COG7: variants seen among roughly 807,000 people sequenced by gnomAD.
The protein encoded by COG7 is component of oligomeric golgi complex 7, also known as conserved oligomeric Golgi complex subunit 7.
COG7 carries 49 observed loss-of-function variants against 91.5 expected under a neutral mutation model. The ratio of observed to expected loss-of-function variants is 0.54; its 90% CI spans 0.43 to 0.68. The LOEUF (loss-of-function observed/expected upper bound fraction) is 0.68. Among genes scored for constraint, COG7 ranks in the 30% least tolerant of loss-of-function variants. The probability of loss-of-function intolerance (pLI) is 0.00; values close to 1 mark genes in which losing one functional copy is unlikely to be tolerated. For synonymous variants in COG7, 365 were observed against 388.7 expected (o/e 0.94, Z 0.72); for missense variants, 895 against 961.3 (o/e 0.93, Z 0.91).
chr16:23,390,118 G>C (rs982428814), intron 16 of COG7: 1 of 151,518 alleles, frequency 6.6e-6, no homozygotes, highest in Non-Finnish European at 1.5e-5. Flanking sequence ...GCCTTGCAAA[G>C]CCTTCTCCAG....
At chr16:23,452,432 G>A (rs1964278888) in intron 1 of COG7, among the ~76,000 whole-genome samples, 1 of 152,200 alleles carries the variant, frequency 6.6e-6, no homozygotes, top group Non-Finnish European at 1.5e-5. Context: ...AATTTGTGGG[G>A]CGCGGTGGCT....
intron 13 of COG7, among the ~76,000 whole-genome samples, chr16:23,400,989 G>GGA (rs1455236618): frequency 3.1e-4 from 46 of 146,836 alleles, no homozygotes; most frequent in African/African-American, 1.1e-3. Context: ...AGGGGGGGGG[G>GGA]AAAACAGCAG....
At chr16:23,407,266 CTTGAG>C (rs1963477484) in intron 11 of COG7, among the ~76,000 whole-genome samples, 1 of 152,206 alleles carries the variant, frequency 6.6e-6, no homozygotes, top group Non-Finnish European at 1.5e-5. Context: ...CTTCCTGTTG[CTTGAG>C]CCAACCAGTA....
intron 16 of COG7, 42 bp downstream of exon 16, chr16:23,392,338 G>A (rs1963211947): frequency 5.0e-6 from 8 of 1,613,438 alleles, no homozygotes; most frequent in Non-Finnish European, 6.8e-6. Flanking sequence ...GATGCAGCAG[G>A]CAAGAGCTGT....
At position 23,443,085 on chromosome 16, in the gene COG7, AAT is replaced by A. The variant is rs1404284153; in HGVS notation, c.436-442_436-441del. Among the ~76,000 whole-genome samples the A allele has an allele frequency of 3.9e-5, 6 of 152,262 alleles. No individual in the cohort carries two copies. The East Asian group carries it at 7.7e-4, about 20-fold the overall frequency. On this transcript the variant is annotated intron_variant, in intron 3 of 16. Coordinates refer to ENST00000307149, the MANE Select transcript of COG7 (RefSeq NM_153603.4). Reference sequence around the variant, plus strand: ...AAATAAATGCAAATTAAATTAAAACAATAAAGTGTCATTTTCCTCCTAACAAA... The same window carrying A: ...AAATAAATGCAAATTAAATTAAAACAAAAGTGTCATTTTCCTCCTAACAAA...
chr16:23,442,086 C>A (rs1964110020), intron 4 of COG7, among the ~76,000 whole-genome samples: 1 of 152,144 alleles, frequency 6.6e-6, no homozygotes, highest in Non-Finnish European at 1.5e-5. Flanking sequence ...TTAATCCCAG[C>A]ACTTTGGGAG....
intron 10 of COG7, among the ~76,000 whole-genome samples, chr16:23,411,731 C>T (rs1296157938): frequency 6.6e-6 from 1 of 152,190 alleles, no homozygotes; most frequent in Non-Finnish European, 1.5e-5. Context: ...TCTGCTCTGG[C>T]ATGGGCCACC....
chr16:23,448,661 T>C (rs995810572), intron 1 of COG7, among the ~76,000 whole-genome samples: 5 of 152,256 alleles, frequency 3.3e-5, no homozygotes, highest in East Asian at 1.9e-4. Context: ...TACGCCTTCT[T>C]ATAGCCACAC....
chr16:23,412,865 T>G (rs1963587768), intron 10 of COG7: 1 of 154,474 alleles, frequency 6.5e-6, no homozygotes. Flanking sequence ...TTTGTATTTT[T>G]AGTAGAGACG....
intron 10 of COG7, among the ~76,000 whole-genome samples, chr16:23,412,027 C>T (rs1015531802): frequency 3.9e-5 from 6 of 152,018 alleles, no homozygotes; most frequent in East Asian, 1.9e-4. Context: ...ATTACAGGCA[C>T]GTGCCACCAT....
At chr16:23,408,085 G>GT (rs930199346) in intron 11 of COG7, among the ~76,000 whole-genome samples, 2 of 114,192 alleles carry the variant, frequency 1.8e-5, no homozygotes, top group Non-Finnish European at 1.8e-5. Context: ...GTAGGGGTGA[G>GT]TAAAGTGGGA....
In COG7 at chr16:23,413,541, G is replaced by A. The variant is rs1372628291; in HGVS notation, c.1316C>T (p.Thr439Ile). Residue 439 changes from threonine (T) to isoleucine (I), a missense_variant, in exon 10 of 17, where the codon ACT (threonine) becomes ATT (isoleucine). By Grantham distance (89) the Thr-to-Ile change is moderately conservative (BLOSUM62 -1). Coordinates refer to ENST00000307149, the MANE Select transcript of COG7 (RefSeq NM_153603.4). ...GCACTTCTTTCGTATGGACTGGAGA[G>A]TGCTGGTGAAATCAGACACATACCT... ...FAKYVSDFTS[T>I]LQSIRKKCKL... The A allele has an allele frequency of 6.2e-7, 1 of 1,607,500 alleles. No individual in the cohort carries two copies. The highest frequency in any genetic ancestry group is 2.2e-5 in the East Asian group (1 of 44,868).
At chr16:23,431,418 C>A (rs1963932369) in intron 6 of COG7, among the ~76,000 whole-genome samples, 1 of 152,180 alleles carries the variant, frequency 6.6e-6, no homozygotes, top group Non-Finnish European at 1.5e-5. Context: ...AGTCTAAGTT[C>A]TTTTTCTTAG....
rs185964342 is a variant in COG7 at position 23,409,434 on chromosome 16, T to C, written c.1475+861A>G. Among the ~76,000 whole-genome samples the C allele has an allele frequency of 3.1e-3, 477 of 152,284 alleles. 6 individuals are homozygous for C. Among genetic ancestry groups the C allele is most frequent in the Middle Eastern group, 6.8e-3 (2 of 294 alleles). On this transcript the variant is annotated intron_variant, in intron 11 of 16. Coordinates refer to ENST00000307149, the MANE Select transcript of COG7 (RefSeq NM_153603.4). ...TTGCTGTGGCTCCTCTGTATTTTCC[T>C]AGCACCCATTACTTACTTTTGGAAC...
intron 9 of COG7, 164 bp downstream of exon 9, chr16:23,416,803 C>G: frequency 7.7e-6 from 6 of 776,102 alleles, no homozygotes; most frequent in Admixed American, 2.2e-5. Context: ...AAATGTTCCA[C>G]CATTACAAAC....
At chr16:23,427,478 G>GA (rs112138310) in intron 6 of COG7, among the ~76,000 whole-genome samples, 12,640 of 134,432 alleles carry the variant, frequency 0.094, 916 homozygotes, top group African/African-American at 0.21. Context: ...TGTCTCAAAA[G>GA]AAAAAAAAAA....
intron 1 of COG7, among the ~76,000 whole-genome samples, chr16:23,449,751 CAAA>C (rs59806724): frequency 3.2e-5 from 3 of 92,896 alleles, no homozygotes; most frequent in Non-Finnish European, 4.5e-5. Context: ...AACTCCATCT[CAAA>C]AAAAAAAAAA....
chr16:23,403,448 G>A (rs1177684931), intron 13 of COG7, among the ~76,000 whole-genome samples: 1 of 152,230 alleles, frequency 6.6e-6, no homozygotes. Context: ...AATAGGGAAA[G>A]TTAATCAAGC....
chr16:23,390,553 T>C (rs1241319373), intron 16 of COG7, among the ~76,000 whole-genome samples: 3 of 152,066 alleles, frequency 2.0e-5, no homozygotes, highest in African/African-American at 7.2e-5. Context: ...TCTCCTTGAC[T>C]AAAGTGGAGC....
Sources: allele counts gnomAD v4.1 joint callset (sites outside exome capture counted in the v4.1 genomes callset), GRCh38; gene constraint gnomAD v4.1.1; transcripts MANE v1.5; gene names NCBI Gene and HGNC (gene_info 2026-07-23, HGNC 2026-07-21).